Variants in MYOCD observed in about 807,000 individuals in gnomAD.
MYOCD encodes the protein myocardin.
Under a neutral mutation model 96.1 loss-of-function variants are expected in MYOCD, and 32 were observed. The ratio of observed to expected loss-of-function variants is 0.33; its 90% CI spans 0.25 to 0.45. The LOEUF (loss-of-function observed/expected upper bound fraction) is 0.45, where lower values mean the gene tolerates loss of function less well. MYOCD is among the 20% of genes least tolerant of loss of function. The probability of loss-of-function intolerance (pLI) is 1.00; values close to 1 mark genes in which losing one functional copy is unlikely to be tolerated. For synonymous variants in MYOCD, 469 were observed against 469.0 expected, an observed-to-expected ratio of 1.00 and a Z score of 0.00; for missense variants, 1,133 against 1,200.6, an observed-to-expected ratio of 0.94 and a Z score of 0.83.
intron 8 of MYOCD, among the ~76,000 whole-genome samples, chr17:12,745,113 C>T (rs1161752673): frequency 1.3e-5 from 2 of 152,200 alleles, no homozygotes; most frequent in Non-Finnish European, 2.9e-5. Flanking sequence ...CAGGGCTGAG[C>T]AGCTGACAGA....
intron 2 of MYOCD, among the ~76,000 whole-genome samples, chr17:12,712,523 G>A (rs2031511902): frequency 6.6e-6 from 1 of 152,194 alleles, no homozygotes; most frequent in African/African-American, 2.4e-5. Flanking sequence ...GGAGGCACGA[G>A]GTTACAGTGG....
At chr17:12,687,533 C>T (rs2030190425) in intron 1 of MYOCD, among the ~76,000 whole-genome samples, 2 of 152,132 alleles carry the variant, frequency 1.3e-5, no homozygotes, top group African/African-American at 4.8e-5. Context: ...TTATTGATCA[C>T]TCTTTTGAAA....
intron 1 of MYOCD, among the ~76,000 whole-genome samples, chr17:12,686,986 C>T (rs1227479815): frequency 1.3e-5 from 2 of 152,124 alleles, no homozygotes; most frequent in South Asian, 2.1e-4. Flanking sequence ...TGAATAAAAT[C>T]GTTCATCTAT....
intron 1 of MYOCD, among the ~76,000 whole-genome samples, chr17:12,698,863 C>A (rs2150666509): frequency 6.7e-6 from 1 of 150,088 alleles, no homozygotes; most frequent in African/African-American, 2.4e-5. Context: ...CTGCCTCAGC[C>A]TCCCGAGTAG....
At chr17:12,703,686 C>T (rs2150672148) in intron 1 of MYOCD, among the ~76,000 whole-genome samples, 1 of 152,194 alleles carries the variant, frequency 6.6e-6, no homozygotes, top group African/African-American at 2.4e-5. Context: ...GATATTGTCA[C>T]ACGAATCCCT....
At chr17:12,735,241 G>A (rs1286545785) in intron 5 of MYOCD, among the ~76,000 whole-genome samples, 2 of 152,182 alleles carry the variant, frequency 1.3e-5, no homozygotes, top group African/African-American at 4.8e-5. Flanking sequence ...TTCCTTTAGC[G>A]CAGAGCAGTC....
chr17:12,702,464 A>C (rs1022172173), intron 1 of MYOCD, among the ~76,000 whole-genome samples: 14 of 152,174 alleles, frequency 9.2e-5, no homozygotes, highest in South Asian at 4.1e-4. Context: ...TGCAGACAAC[A>C]TATAATTGAA....
chr17:12,746,225 T>C (rs941794924), intron 9 of MYOCD, among the ~76,000 whole-genome samples, 153 bp downstream of exon 9: 2 of 152,220 alleles, frequency 1.3e-5, no homozygotes, highest in Non-Finnish European at 2.9e-5. Context: ...TTTATCCTGC[T>C]GTGGTTGAAC....
chr17:12,709,303 G>A (rs1228742492), intron 2 of MYOCD, among the ~76,000 whole-genome samples: 1 of 152,162 alleles, frequency 6.6e-6, no homozygotes, highest in Non-Finnish European at 1.5e-5. Context: ...GCAACAAATT[G>A]TTTTTTATAA....
chr17:12,739,393 A>T, intron 7 of MYOCD, 65 bp downstream of exon 7: 1 of 1,477,196 alleles, frequency 6.8e-7, no homozygotes, highest in Non-Finnish European at 9.0e-7. Context: ...CTTGGAGCAG[A>T]ACTTTCTGAG....
chr17:12,696,309 C>T (rs1221362234), intron 1 of MYOCD, among the ~76,000 whole-genome samples: 1 of 152,056 alleles, frequency 6.6e-6, no homozygotes, highest in Non-Finnish European at 1.5e-5. Flanking sequence ...TTGTGTTTAT[C>T]CTTTGTCCAT....
At chr17:12,683,289 G>A (rs577116610) in intron 1 of MYOCD, among the ~76,000 whole-genome samples, 23 of 152,114 alleles carry the variant, frequency 1.5e-4, no homozygotes, top group Non-Finnish European at 2.5e-4. Flanking sequence ...AAAACCATGC[G>A]GATGGCAGAG....
intron 1 of MYOCD, among the ~76,000 whole-genome samples, chr17:12,701,412 A>T (rs1054343446): frequency 3.9e-5 from 6 of 152,158 alleles, no homozygotes; most frequent in African/African-American, 1.4e-4. Context: ...ACTCCGTCTC[A>T]AAATAAATAA....
At chr17:12,738,955 A>ATATATG (rs957053234) in intron 6 of MYOCD, among the ~76,000 whole-genome samples, 12 of 152,052 alleles carry the variant, frequency 7.9e-5, no homozygotes, top group Non-Finnish European at 1.5e-4. Context: ...AAGTTTATAT[A>ATATATG]TATATATGTA....
chr17:12,728,643 C>A (rs949105179), intron 5 of MYOCD, among the ~76,000 whole-genome samples: 2 of 152,172 alleles, frequency 1.3e-5, no homozygotes, highest in African/African-American at 4.8e-5. Flanking sequence ...CCATGCCCAG[C>A]TAATTTTGTA....
At chr17:12,692,587 G>T (rs1379331795) in intron 1 of MYOCD, among the ~76,000 whole-genome samples, 1 of 152,150 alleles carries the variant, frequency 6.6e-6, no homozygotes, top group Non-Finnish European at 1.5e-5. Context: ...CCATCCTGTT[G>T]CTTCTCTTTG....
chr17:12,674,650 C>A (rs1466443676), intron 1 of MYOCD, among the ~76,000 whole-genome samples: 1 of 152,120 alleles, frequency 6.6e-6, no homozygotes, highest in African/African-American at 2.4e-5. Context: ...CATATATACA[C>A]TTATGTATAT....
intron 1 of MYOCD, among the ~76,000 whole-genome samples, chr17:12,678,311 T>C (rs1255546944): frequency 3.9e-5 from 4 of 102,438 alleles, no homozygotes; most frequent in Non-Finnish European, 7.9e-5. Context: ...TTCTTTTCCT[T>C]TCAAAAAAAA....
intron 1 of MYOCD, among the ~76,000 whole-genome samples, chr17:12,673,868 G>T (rs1042345677): frequency 6.6e-6 from 1 of 152,152 alleles, no homozygotes. Context: ...GTAACCTTGG[G>T]TACTTACCCA....
Sources: gnomAD v4.1 joint callset for allele counts (sites outside exome capture counted in the v4.1 genomes callset) on GRCh38, gnomAD v4.1.1 for gene constraint, MANE v1.5 for transcripts, NCBI Gene and HGNC (gene_info 2026-07-23, HGNC 2026-07-21) for gene names.